The following ECM2 variants were observed in gnomAD, a reference collection of about 807,000 sequenced individuals.
ECM2 encodes the protein extracellular matrix protein 2, female organ and adipocyte specific.
ECM2 carries 57 observed loss-of-function variants against 67.5 expected under a neutral mutation model. The ratio of observed to expected loss-of-function variants is 0.84; its 90% CI spans 0.68 to 1.05. The LOEUF is 1.05. ECM2 is among the 50% of genes least tolerant of loss of function. ECM2 has a pLI of 0.00. For missense variants in ECM2, 741 were observed against 822.8 expected (o/e 0.90, Z 1.22); for synonymous variants, 258 against 294.5 (o/e 0.88, Z 1.27).
intron 9 of ECM2, among the ~76,000 whole-genome samples, chr9:92,498,309 C>T (rs542695528): frequency 4.0e-5 from 6 of 151,854 alleles, no homozygotes; most frequent in African/African-American, 1.4e-4. Flanking sequence ...CAATCATAGA[C>T]GTTGGGGGAG....
At chr9:92,531,742 C>A (rs1848767548) in intron 1 of ECM2, among the ~76,000 whole-genome samples, 1 of 152,078 alleles carries the variant, frequency 6.6e-6, no homozygotes, top group African/African-American at 2.4e-5. Context: ...TCGTTCCTTC[C>A]TATATCTACT....
At chr9:92,549,359 T>G in the ECM2 span, among the ~76,000 whole-genome samples, 1 of 152,120 alleles carries the variant, frequency 6.6e-6, no homozygotes, top group Non-Finnish European at 1.5e-5. Context: ...GAGTGAAAAC[T>G]AGATGAAGCT....
intron 1 of ECM2, among the ~76,000 whole-genome samples, chr9:92,533,748 G>C (rs1323605913): frequency 1.3e-5 from 2 of 152,026 alleles, no homozygotes; most frequent in Non-Finnish European, 2.9e-5. Context: ...ATCTGAAAAT[G>C]TCATTGTTTA....
chr9:92,510,153 A>C, intron 5 of ECM2, 119 bp from the exon 6 acceptor site: 1 of 1,148,238 alleles, frequency 8.7e-7, no homozygotes, highest in Non-Finnish European at 1.2e-6. Flanking sequence ...TTAGACAGTA[A>C]TGTCCAGGCC....
At chr9:92,525,594 T>C (rs1848345133) in intron 1 of ECM2, among the ~76,000 whole-genome samples, 1 of 152,138 alleles carries the variant, frequency 6.6e-6, no homozygotes, top group Non-Finnish European at 1.5e-5. Context: ...TCCAGTCATA[T>C]AAAAATACAG....
chr9:92,532,950 A>G (rs1848888739), intron 1 of ECM2, among the ~76,000 whole-genome samples: 1 of 152,082 alleles, frequency 6.6e-6, no homozygotes, highest in Non-Finnish European at 1.5e-5. Flanking sequence ...GGTTAAGTAC[A>G]TTATGAATAG....
chr9:92,524,150 C>T (rs906748929), intron 1 of ECM2, among the ~76,000 whole-genome samples: 4 of 152,114 alleles, frequency 2.6e-5, no homozygotes, highest in African/African-American at 7.2e-5. Flanking sequence ...TTTTCCCAGC[C>T]GTTTTCTGTT....
At chr9:92,534,379 TAGTTAGTTC>T (rs1384707537) in intron 1 of ECM2, among the ~76,000 whole-genome samples, 3 of 152,238 alleles carry the variant, frequency 2.0e-5, no homozygotes, top group African/African-American at 4.8e-5. Context: ...AGGTTTCACT[TAGTTAGTTC>T]ATAGTCTGAC....
the ECM2 span, among the ~76,000 whole-genome samples, chr9:92,554,488 C>CT: frequency 1.3e-5 from 2 of 150,608 alleles, no homozygotes; most frequent in African/African-American, 4.9e-5. Flanking sequence ...CTGCTTTTAC[C>CT]TTTAATTCTG....
At position 92,522,901 on chromosome 9, in the gene ECM2, G is replaced by A. The variant is rs746774361; in HGVS notation, c.-27-8C>T. ...TTTTCCACCAGCCAATTTCTAGAAT[G>A]AAACAATATTTCAAAGTTAGTGGTG... On this transcript the variant is annotated splice_region_variant and splice_polypyrimidine_tract_variant and intron_variant, in intron 1 of 9. Transcript: ENST00000344604. The A allele has an allele frequency of 1.9e-6, 3 of 1,560,858 alleles. No individual in the cohort carries two copies. In the Admixed American group the frequency reaches 5.6e-5, roughly 29 times the overall value.
chr9:92,558,329 G>T, the ECM2 span, among the ~76,000 whole-genome samples: 4 of 152,284 alleles, frequency 2.6e-5, no homozygotes, highest in Non-Finnish European at 4.4e-5. Flanking sequence ...GTCCCATGGG[G>T]TGTTCCCTTG....
At chr9:92,508,073 G>A (rs982800275) in intron 6 of ECM2, among the ~76,000 whole-genome samples, 1 of 152,198 alleles carries the variant, frequency 6.6e-6, no homozygotes, top group Admixed American at 6.5e-5. Context: ...CACCCCAAGA[G>A]AGATGACGGG....
At chr9:92,533,328 A>AAAAAAT (rs1554683138) in intron 1 of ECM2, among the ~76,000 whole-genome samples, 62 of 38,330 alleles carry the variant, frequency 1.6e-3, no homozygotes, top group Non-Finnish European at 2.4e-3. Flanking sequence ...AAAAAAAAAA[A>AAAAAAT]ATATATATAT....
chr9:92,508,762 C>G (rs902563032), intron 6 of ECM2, among the ~76,000 whole-genome samples: 1 of 152,022 alleles, frequency 6.6e-6, no homozygotes, highest in Non-Finnish European at 1.5e-5. Flanking sequence ...TTTCTCAATA[C>G]CAGAAGTGTT....
chr9:92,545,543 C>T, the ECM2 span, among the ~76,000 whole-genome samples: 100,907 of 151,858 alleles, frequency 0.66, 35,211 homozygotes, highest in African/African-American at 0.89. Flanking sequence ...CCCGCCGGGC[C>T]CCTTCAAGGC....
chr9:92,517,978 G>T, intron 2 of ECM2, 103 bp from the exon 3 acceptor site: 1 of 1,336,692 alleles, frequency 7.5e-7, no homozygotes, highest in Non-Finnish European at 1.0e-6. Flanking sequence ...AACCACACAA[G>T]AATAGAATTC....
chr9:92,525,913 AAAG>A (rs1188241344), intron 1 of ECM2, among the ~76,000 whole-genome samples: 6 of 151,266 alleles, frequency 4.0e-5, no homozygotes, highest in South Asian at 2.1e-4. Context: ...AAAAAAAAAA[AAAG>A]CACATACAAT....
At chr9:92,536,234 T>C (rs952280821), upstream of ECM2, 2 of 326,686 alleles carry the variant, frequency 6.1e-6, no homozygotes, top group African/African-American at 4.6e-5. Flanking sequence ...AGCATTTTGT[T>C]TGCAGGCTGA....
chr9:92,502,635 A>T lies in ECM2; in HGVS notation c.1482T>A (p.Asn494Lys), dbSNP rs761329630. ...PGSIEELYLENNQIEEITEIC... is the reference protein window; with the variant it reads ...PGSIEELYLEKNQIEEITEIC... ...TTTCAGTTATTTCTTCAATTTGGTT[A>T]TTTTCTAGGTATAATTCCTATAATT... Residue 494 changes from asparagine to lysine, a missense_variant, in exon 8 of 10, where the codon AAT becomes AAA. Asn to Lys is a moderately conservative substitution (Grantham distance 94). Transcript: ENST00000344604. 2 of 1,587,584 alleles carry T rather than the reference A, an allele frequency of 1.3e-6. No individual in the cohort carries two copies. Among genetic ancestry groups the T allele is most frequent in the Admixed American group, 3.4e-5 (2 of 58,762 alleles).
Sources: gnomAD v4.1 joint callset for allele counts (sites outside exome capture counted in the v4.1 genomes callset) on GRCh38, gnomAD v4.1.1 for gene constraint, MANE v1.5 for transcripts, NCBI Gene and HGNC (gene_info 2026-07-23, HGNC 2026-07-21) for gene names.